Variants in CLOCK observed in about 807,000 individuals in gnomAD.
CLOCK encodes circadian locomoter output cycles protein kaput.
A neutral mutation model predicts 118.4 loss-of-function variants in CLOCK; 43 were observed. That is an observed-to-expected ratio of 0.36 (90% CI 0.28 to 0.47). The LOEUF is 0.47. Ranked by LOEUF, CLOCK falls within the 20% of genes least tolerant of loss-of-function variation. The pLI is 1.00. For missense variants in CLOCK, 846 were observed against 999.9 expected (o/e 0.85, Z 2.08); for synonymous variants, 326 against 339.2 (o/e 0.96, Z 0.43).
chr4:55,524,163 C>T (rs1214605970), intron 1 of CLOCK, among the ~76,000 whole-genome samples: 1 of 151,706 alleles, frequency 6.6e-6, no homozygotes, highest in Non-Finnish European at 1.5e-5. Context: ...CTGAGGCGGG[C>T]GGATCACTTG....
At chr4:55,540,967 A>G (rs1036529870) in intron 1 of CLOCK, 9 of 152,246 alleles carry the variant, frequency 5.9e-5, no homozygotes, top group African/African-American at 2.2e-4. Flanking sequence ...AAAGCAAATT[A>G]TATCCGAAAC....
At chr4:55,486,073 A>C (rs966179443) in intron 3 of CLOCK, among the ~76,000 whole-genome samples, 5 of 152,128 alleles carry the variant, frequency 3.3e-5, no homozygotes, top group African/African-American at 1.2e-4. Context: ...ACATTTCCCC[A>C]ATTTCTCAAT....
intron 1 of CLOCK, among the ~76,000 whole-genome samples, chr4:55,531,407 A>G (rs530191485): frequency 6.6e-6 from 1 of 152,230 alleles, no homozygotes; most frequent in East Asian, 1.9e-4. Flanking sequence ...TCTATCAATC[A>G]TTTAAAAGAA....
intron 22 of CLOCK, among the ~76,000 whole-genome samples, chr4:55,437,087 A>C (rs1722941951): frequency 2.0e-5 from 3 of 152,158 alleles, no homozygotes; most frequent in Admixed American, 2.0e-4. Flanking sequence ...TTGTAATAGT[A>C]GCTACCCCAG....
At chr4:55,502,476 T>C in intron 2 of CLOCK, among the ~76,000 whole-genome samples, 1 of 152,012 alleles carries the variant, frequency 6.6e-6, no homozygotes, top group Admixed American at 6.5e-5. Context: ...TCTCAATAAA[T>C]ACTACTGGAA....
rs558842526 is a variant in CLOCK at position 55,438,513 on chromosome 4, C to T, written c.2130G>A (p.Val710=). The change falls in exon 22 of 23, where the codon GTG becomes GTA. Residue 710 remains valine, a synonymous_variant. Coordinates refer to ENST00000513440, the MANE Select transcript of CLOCK (RefSeq NM_004898.4). The stretch of plus-strand genomic sequence containing the variant: ...CTACAGGAGCAGTCACTAATTTGGT[C>T]ACAAGTTGTTGACCTTGAGAAAATC... The part of the protein sequence containing the change: ...QIRFSQGQQL[V]TKLVTAPVAC... 7.4e-6 allele frequency: 12 copies of T among 1,613,578 alleles called. No homozygotes were observed. The Admixed American group carries it at 8.3e-5, about 11-fold the overall frequency.
chr4:55,512,670 T>A (rs1729241654), intron 1 of CLOCK, among the ~76,000 whole-genome samples: 1 of 152,192 alleles, frequency 6.6e-6, no homozygotes, highest in South Asian at 2.1e-4. Context: ...TCTCTTACGT[T>A]ATCTTCTAGG....
At chr4:55,440,043 CCTTTTT>C (rs760782750) in intron 21 of CLOCK, among the ~76,000 whole-genome samples, 2 of 151,744 alleles carry the variant, frequency 1.3e-5, no homozygotes, top group South Asian at 2.1e-4. Flanking sequence ...TAAAAAAAAA[CCTTTTT>C]CTTTTTATAA....
chr4:55,456,664 T>C (rs1724943065), intron 11 of CLOCK, among the ~76,000 whole-genome samples: 1 of 152,126 alleles, frequency 6.6e-6, no homozygotes, highest in Admixed American at 6.5e-5. Context: ...TAGTTGTTTC[T>C]ATGTATGTAT....
rs113513325 is a variant in CLOCK at position 55,513,897 on chromosome 4, T to C, written c.-289-3832A>G. 6.2e-3 allele frequency among the ~76,000 whole-genome samples: 951 copies of C among 152,240 alleles called. 3 individuals are homozygous for C. Among genetic ancestry groups the C allele is most frequent in the Non-Finnish European group, 0.01 (694 of 67,956 alleles). On this transcript the variant is annotated intron_variant, in intron 1 of 22. Coordinates refer to ENST00000513440, the MANE Select transcript of CLOCK (RefSeq NM_004898.4). Reference sequence around the variant, plus strand: ...GGGAGATATTAATGTAATGGTATTGTGTTTTTAATTTTAGAATTCCACTTG... The same window carrying C: ...GGGAGATATTAATGTAATGGTATTGCGTTTTTAATTTTAGAATTCCACTTG...
chr4:55,489,466 C>G lies in CLOCK; in HGVS notation c.-135-1G>C, dbSNP rs1181812117. On this transcript the variant is annotated splice_acceptor_variant, in intron 2 of 22. Coordinates refer to ENST00000513440, the MANE Select transcript of CLOCK (RefSeq NM_004898.4). LOFTEE classifies it low-confidence loss of function (5UTR_SPLICE). ...ATGACCAACCATAAGTCTCAGAATT[C>G]TGTTTAAACAAGAAAAAATGTTAGA... is the stretch of plus-strand genomic sequence containing the variant. 4 of 152,018 alleles carry G rather than the reference C, an allele frequency of 2.6e-5. No homozygotes were observed. Among genetic ancestry groups the G allele is most frequent in the African/African-American group, 9.7e-5 (4 of 41,402 alleles). 9.4% of individuals were successfully genotyped at this position (152,018 alleles called of 1,614,324 possible). A position where few individuals can be genotyped will look rare whatever the true frequency, so the allele number is the denominator to read the frequency against.
At position 55,448,768 on chromosome 4, in the gene CLOCK, C is replaced by T. The variant is rs755471953; in HGVS notation, c.1539+11G>A. 1 of 1,611,226 alleles carries T rather than the reference C, an allele frequency of 6.2e-7. No individual in the cohort carries two copies. Among genetic ancestry groups the T allele is most frequent in the Non-Finnish European group, 8.5e-7 (1 of 1,177,824 alleles). ...TTCAAATACGCAACTGAAACAAAAA[C>T]CAAAAAGTACCTGGGACATGCCTTG... On this transcript the variant is annotated intron_variant, in intron 18 of 22. Transcript: ENST00000513440.
intron 2 of CLOCK, among the ~76,000 whole-genome samples, chr4:55,502,606 T>C (rs1364426988): frequency 6.6e-6 from 1 of 152,208 alleles, no homozygotes; most frequent in Non-Finnish European, 1.5e-5. Context: ...TAACATCTTC[T>C]TGGCTTTAGG....
intron 2 of CLOCK, among the ~76,000 whole-genome samples, chr4:55,508,716 C>T (rs1043580554): frequency 6.6e-6 from 1 of 152,096 alleles, no homozygotes; most frequent in Non-Finnish European, 1.5e-5. Context: ...CCTCAGCCTC[C>T]TGAGTAGCTG....
intron 1 of CLOCK, among the ~76,000 whole-genome samples, chr4:55,534,379 G>A (rs1225008813): frequency 6.6e-6 from 1 of 151,940 alleles, no homozygotes; most frequent in Non-Finnish European, 1.5e-5. Flanking sequence ...TAAACCTAAT[G>A]AATACTGATT....
At chr4:55,490,312 T>C (rs1252848784) in intron 2 of CLOCK, among the ~76,000 whole-genome samples, 11 of 151,898 alleles carry the variant, frequency 7.2e-5, no homozygotes, top group Admixed American at 3.9e-4. Flanking sequence ...TAGGAAAATA[T>C]AGCAATTATA....
In CLOCK at chr4:55,453,730, G is replaced by A. The variant is rs751117518; in HGVS notation, c.1077C>T (p.Tyr359=). Residue 359 remains tyrosine (Y), a synonymous_variant, in exon 14 of 23, where the codon TAC becomes TAT. Coordinates refer to ENST00000513440, the MANE Select transcript of CLOCK (RefSeq NM_004898.4). ...ACTCTGGCCTTGAATTCCACTGATG[G>A]TAAGTGATATAATAATGAGTCTGAA... ...IWLQTHYYIT[Y]HQWNSRPEFI... 16 of 1,610,798 alleles carry A rather than the reference G, an allele frequency of 9.9e-6. No individual in the cohort carries two copies. The highest frequency in any genetic ancestry group is 1.2e-5 in the Non-Finnish European group (14 of 1,177,768).
chr4:55,510,816 G>T (rs564329132), intron 1 of CLOCK, among the ~76,000 whole-genome samples: 49 of 152,188 alleles, frequency 3.2e-4, no homozygotes, highest in South Asian at 8.3e-4. Context: ...AGTAAAAGAA[G>T]TCCAATGTAG....
intron 1 of CLOCK, among the ~76,000 whole-genome samples, chr4:55,543,909 T>G (rs532710504): frequency 1.2e-3 from 179 of 152,138 alleles, no homozygotes; most frequent in African/African-American, 4.2e-3. Flanking sequence ...ACAGAAATAA[T>G]ATAAGTATCC....
Sources: allele counts gnomAD v4.1 joint callset (sites outside exome capture counted in the v4.1 genomes callset), GRCh38; gene constraint gnomAD v4.1.1; transcripts MANE v1.5; gene names NCBI Gene and HGNC (gene_info 2026-07-23, HGNC 2026-07-21).